SNAP91: variants seen among roughly 807,000 people sequenced by gnomAD.
The protein encoded by SNAP91 is synaptosome associated protein 91, also known as clathrin coat assembly protein AP180.
In SNAP91, 27 loss-of-function variants were observed where a neutral mutation model predicts 100.3. The observed-to-expected ratio is 0.27, with a 90% CI of 0.20 to 0.37. The LOEUF is 0.37. Among genes scored for constraint, SNAP91 ranks in the 10% least tolerant of loss-of-function variants. The pLI is 1.00. For synonymous variants in SNAP91, 404 were observed against 398.6 expected, an observed-to-expected ratio of 1.01 and a Z score of -0.16; for missense variants, 986 against 1,123.7, an observed-to-expected ratio of 0.88 and a Z score of 1.75.
intron 2 of SNAP91, among the ~76,000 whole-genome samples, chr6:83,707,270 A>G (rs545928078): frequency 6.6e-6 from 1 of 152,268 alleles, no homozygotes; most frequent in Non-Finnish European, 1.5e-5. Flanking sequence ...TCACACACAC[A>G]CACACACACC....
At chr6:83,574,048 AT>A (rs1365116978) in intron 26 of SNAP91, among the ~76,000 whole-genome samples, 2 of 152,208 alleles carry the variant, frequency 1.3e-5, no homozygotes, top group Non-Finnish European at 2.9e-5. Context: ...TTTAATTAGA[AT>A]TTATATTAAT....
chr6:83,642,453 C>T (rs866073045), intron 7 of SNAP91, among the ~76,000 whole-genome samples: 1 of 152,032 alleles, frequency 6.6e-6, no homozygotes, highest in African/African-American at 2.4e-5. Context: ...GGTTTTCTGT[C>T]GTTGCAATAG....
chr6:83,595,153 A>C (rs1173536518), intron 16 of SNAP91, among the ~76,000 whole-genome samples: 2 of 152,118 alleles, frequency 1.3e-5, no homozygotes, highest in Non-Finnish European at 2.9e-5. Flanking sequence ...TAAGTATGAG[A>C]GTATGAAACA....
In SNAP91 at chr6:83,638,598, A is replaced by T. The variant is rs114412196; in HGVS notation, c.765+2498T>A. Among the ~76,000 whole-genome samples, 464 of 152,304 alleles carry T rather than the reference A, an allele frequency of 3.0e-3. 2 individuals carry two copies. The highest frequency in any genetic ancestry group is 0.01 in the African/African-American group (436 of 41,566). ...GACTGACTCGCTGCCTACTGTGATA[A>T]GAAGGCACTGAAAGAGGCATTTTTT... is the stretch of plus-strand genomic sequence containing the variant. On this transcript the variant is annotated intron_variant, in intron 8 of 29. Coordinates refer to ENST00000369694, the MANE Select transcript of SNAP91 (RefSeq NM_001242792.2).
At chr6:83,625,402 C>G (rs1178559802) in intron 8 of SNAP91, among the ~76,000 whole-genome samples, 1 of 152,068 alleles carries the variant, frequency 6.6e-6, no homozygotes, top group East Asian at 1.9e-4. Context: ...TGGGTATACA[C>G]TCAGTAATGG....
At chr6:83,565,214 T>C (rs533302337) in intron 26 of SNAP91, among the ~76,000 whole-genome samples, 1 of 151,998 alleles carries the variant, frequency 6.6e-6, no homozygotes, top group African/African-American at 2.4e-5. Flanking sequence ...CTCTCACTAT[T>C]TGGAACATAA....
chr6:83,609,491 A>G (rs1411765890), intron 12 of SNAP91, among the ~76,000 whole-genome samples: 1 of 152,218 alleles, frequency 6.6e-6, no homozygotes, highest in African/African-American at 2.4e-5. Context: ...CATCACTGGC[A>G]TAGTACATGG....
chr6:83,634,541 A>G (rs1009292128), intron 8 of SNAP91, among the ~76,000 whole-genome samples: 1 of 152,084 alleles, frequency 6.6e-6, no homozygotes, highest in Non-Finnish European at 1.5e-5. Context: ...GCAAAAATTC[A>G]CAATGCGAGC....
intron 8 of SNAP91, among the ~76,000 whole-genome samples, chr6:83,630,374 G>A (rs1454020609): frequency 6.6e-6 from 1 of 152,074 alleles, no homozygotes; most frequent in Non-Finnish European, 1.5e-5. Context: ...GAATGATTTA[G>A]GGAGGGTTTC....
At chr6:83,607,215 T>C (rs973172178) in intron 13 of SNAP91, among the ~76,000 whole-genome samples, 1 of 152,234 alleles carries the variant, frequency 6.6e-6, no homozygotes, top group African/African-American at 2.4e-5. Context: ...ACTACTGTTC[T>C]GATCTGTAGG....
intron 7 of SNAP91, among the ~76,000 whole-genome samples, chr6:83,642,436 A>G (rs944914019): frequency 3.3e-5 from 5 of 152,046 alleles, no homozygotes; most frequent in South Asian, 2.1e-4. Context: ...GAGAACATGC[A>G]GTGTTTGGTT....
intron 26 of SNAP91, among the ~76,000 whole-genome samples, chr6:83,570,558 G>GC (rs1422108725): frequency 7.1e-6 from 1 of 140,410 alleles, no homozygotes; most frequent in African/African-American, 2.6e-5. Flanking sequence ...CGGGGTGGCG[G>GC]GGGGGGAAGT....
chr6:83,556,340 G>GGAGAGAGGGAGAGA (rs377148872), intron 28 of SNAP91, 95 bp from the exon 29 acceptor site: 1 of 47,550 alleles, frequency 2.1e-5, no homozygotes, highest in African/African-American at 1.2e-4. Flanking sequence ...AGAGGGAGAG[G>GGAGAGAGGGAGAGA]GGGAGAGAGA....
chr6:83,592,339 A>G (rs1167221854), intron 21 of SNAP91, 116 bp downstream of exon 21: 3 of 640,660 alleles, frequency 4.7e-6, no homozygotes, highest in African/African-American at 1.8e-5. Context: ...TTTACATTTA[A>G]GAGACAGAAT....
chr6:83,598,127 A>G (rs532728893), intron 16 of SNAP91, among the ~76,000 whole-genome samples: 1 of 152,318 alleles, frequency 6.6e-6, no homozygotes, highest in East Asian at 1.9e-4. Flanking sequence ...GTTCAAATCA[A>G]TGTGCTATTG....
At chr6:83,597,626 C>T (rs982326486) in intron 16 of SNAP91, among the ~76,000 whole-genome samples, 8 of 152,170 alleles carry the variant, frequency 5.3e-5, no homozygotes, top group African/African-American at 1.9e-4. Flanking sequence ...TTCCAGCACT[C>T]TAAGACAGAA....
chr6:83,586,384 C>T, intron 22 of SNAP91, among the ~76,000 whole-genome samples: 1 of 152,102 alleles, frequency 6.6e-6, no homozygotes. Context: ...CATATAGTCC[C>T]TTGTCTTTGC....
At chr6:83,707,982 C>G in intron 1 of SNAP91, 25 bp from the exon 2 acceptor site, 3 of 1,518,894 alleles carry the variant, frequency 2.0e-6, no homozygotes, top group South Asian at 1.3e-5. Context: ...GGGAGACGGT[C>G]CGGCTTTAAT....
chr6:83,617,416 C>A (rs1468157340), intron 9 of SNAP91, among the ~76,000 whole-genome samples: 1 of 151,726 alleles, frequency 6.6e-6, no homozygotes, highest in Non-Finnish European at 1.5e-5. Context: ...ATATGAGTGC[C>A]CAAATACAAA....
Sources: gnomAD v4.1 joint callset for allele counts (sites outside exome capture counted in the v4.1 genomes callset) on GRCh38, gnomAD v4.1.1 for gene constraint, MANE v1.5 for transcripts, NCBI Gene and HGNC (gene_info 2026-07-23, HGNC 2026-07-21) for gene names.